Variants in MXRA8 observed in about 807,000 individuals in gnomAD.
MXRA8 encodes matrix remodeling-associated protein 8.
Under a neutral mutation model 51.4 loss-of-function variants are expected in MXRA8, and 44 were observed. That is an observed-to-expected ratio of 0.86 (90% CI 0.67 to 1.10). The LOEUF is 1.10. Ranked by LOEUF, MXRA8 falls within the 50% of genes least tolerant of loss-of-function variation. The probability of loss-of-function intolerance (pLI) is 0.00; values close to 1 mark genes in which losing one functional copy is unlikely to be tolerated. For missense variants in MXRA8, 765 were observed against 638.9 expected (o/e 1.20, Z -2.13); for synonymous variants, 369 against 293.5 (o/e 1.26, Z -2.63).
chr1:1,361,643 A>G, upstream of MXRA8: 1 of 339,460 alleles, frequency 2.9e-6, no homozygotes, highest in Non-Finnish European at 5.7e-6. Flanking sequence ...GTTAGGCTCG[A>G]GGACAAACCG....
rs1335254860 is a variant in MXRA8 at position 1,354,099 on chromosome 1, C to T, written c.1153G>A (p.Val385Ile). Residue 385 changes from valine (V) to isoleucine (I), a missense_variant, in exon 8 of 10, where the codon GTT becomes ATT. Transcript: ENST00000309212. ...GCCACAGCGAACTCCGCCAAGTTAA[C>T]ATCCTTCCTGGATGGCGAGGGTGGG... ...QKSGKSKGKD[V>I]NLAEFAVAAG... 6.2e-7 allele frequency: 1 copy of T among 1,612,968 alleles called. No homozygotes were observed. The highest frequency in any genetic ancestry group is 2.2e-5 in the East Asian group (1 of 44,882).
At chr1:1,359,697 C>A (rs564626376), upstream of MXRA8, among the ~76,000 whole-genome samples, 1 of 151,280 alleles carries the variant, frequency 6.6e-6, no homozygotes. Flanking sequence ...GGACACGGAC[C>A]GGCGTAAGGA....
Position 1,353,838 on chromosome 1 carries a change from C to A in MXRA8, c.1303+10G>T. ...CTCTGAGATGGGCTGAGGTCGCCCC[C>A]GCCGCTCACCTTTGTCTAGGTCGAT... On this transcript the variant is annotated intron_variant, in intron 9 of 9. Transcript: ENST00000309212. 1 of 1,569,514 alleles carries A rather than the reference C, an allele frequency of 6.4e-7. No homozygotes were observed. The highest frequency in any genetic ancestry group is 8.6e-7 in the Non-Finnish European group (1 of 1,156,686).
At chr1:1,359,797 G>A (rs1644197368), upstream of MXRA8, among the ~76,000 whole-genome samples, 1 of 152,202 alleles carries the variant, frequency 6.6e-6, no homozygotes, top group Admixed American at 6.5e-5. Context: ...CTGGCTTCAG[G>A]GCTGAACACA....
upstream of MXRA8, chr1:1,359,590 A>C (rs1644194300): frequency 2.0e-6 from 2 of 985,002 alleles, no homozygotes; most frequent in Non-Finnish European, 2.4e-6. Flanking sequence ...TCTGGTGCCC[A>C]AGTCCTCAGA....
At chr1:1,354,566 C>G (rs1176660619) in intron 5 of MXRA8, 57 bp from the exon 6 acceptor site, 1 of 1,578,536 alleles carries the variant, frequency 6.3e-7, no homozygotes, top group African/African-American at 1.4e-5. Flanking sequence ...TGCGCCCCGA[C>G]CCGGGCCACG....
chr1:1,355,047 T>C lies in MXRA8; in HGVS notation c.584A>G (p.Asp195Gly). The C allele has an allele frequency of 6.2e-7, 1 of 1,607,906 alleles. No homozygotes were observed. The highest frequency in any genetic ancestry group is 8.5e-7 in the Non-Finnish European group (1 of 1,178,328). The change falls in exon 5 of 10, where the codon GAC becomes GGC. Residue 195 changes from aspartate (D) to glycine (G), a missense_variant. Physicochemically the swap from Asp to Gly is moderately conservative, Grantham distance 94 (BLOSUM62 -1). Transcript: ENST00000309212. ...CTGTTGAGCCTCCTCCACGTGCCGG[T>C]CGGTCCACACGTGCCCGCGGTTCAC... The part of the protein sequence containing the change: ...TCVNRGHVWT[D>G]RHVEEAQQVV...
Position 1,354,178 on chromosome 1 carries a change from G to A in MXRA8, c.1145+15C>T. ...GGGCCCTGGTCCCCAGGAGGGCCGGGAGGGGGGCACTCACCCCTTTGACTT... is the reference window on the plus strand; with the variant it reads ...GGGCCCTGGTCCCCAGGAGGGCCGGAAGGGGGGCACTCACCCCTTTGACTT... On this transcript the variant is annotated intron_variant, in intron 7 of 9. Transcript: ENST00000309212. 6.2e-7 allele frequency: 1 copy of A among 1,612,744 alleles called. No homozygotes were observed. The highest frequency in any genetic ancestry group is 1.3e-5 in the African/African-American group (1 of 75,070).
chr1:1,359,336 G>A (rs1644190996), upstream of MXRA8: 2 of 985,318 alleles, frequency 2.0e-6, no homozygotes, highest in Non-Finnish European at 2.4e-6. Flanking sequence ...CCCCTGCCAT[G>A]GAAGGCACAA....
In MXRA8 at chr1:1,355,231, G is replaced by C. The variant is rs762611101; in HGVS notation, c.478+13C>G. On this transcript the variant is annotated intron_variant, in intron 4 of 9. Coordinates refer to ENST00000309212, the MANE Select transcript of MXRA8 (RefSeq NM_032348.4). ...GAGGGGCGGGAGCTGGGGGGCGGGG[G>C]GGAAGCACTCACGGCCGTCGGTGAC... is the stretch of plus-strand genomic sequence containing the variant. The C allele has an allele frequency of 1.4e-5, 21 of 1,542,914 alleles. No individual in the cohort carries two copies. The highest frequency in any genetic ancestry group is 2.4e-5 in the South Asian group (2 of 83,876).
intron 1 of MXRA8, 110 bp from the exon 2 acceptor site, chr1:1,356,814 C>G: frequency 1.0e-6 from 1 of 980,222 alleles, no homozygotes; most frequent in South Asian, 3.6e-5. Context: ...GATGCTGTGA[C>G]ACCCACTTCA....
chr1:1,357,975 T>G (rs1419457474), intron 1 of MXRA8, among the ~76,000 whole-genome samples: 1 of 152,126 alleles, frequency 6.6e-6, no homozygotes, highest in Non-Finnish European at 1.5e-5. Flanking sequence ...TCTAGATCAC[T>G]GGGGGCTGCT....
upstream of MXRA8, among the ~76,000 whole-genome samples, chr1:1,363,276 C>T (rs538675244): frequency 9.9e-5 from 15 of 152,114 alleles, no homozygotes; most frequent in South Asian, 2.1e-3. Context: ...GAGTGAGACT[C>T]GGTCTCAAAA....
At chr1:1,357,450 C>T (rs1348831676) in intron 1 of MXRA8, among the ~76,000 whole-genome samples, 6 of 152,102 alleles carry the variant, frequency 3.9e-5, no homozygotes, top group Non-Finnish European at 5.9e-5. Flanking sequence ...AGCTGCACCA[C>T]GGAGTCCCCC....
chr1:1,356,973 C>T (rs1158933602), intron 1 of MXRA8, among the ~76,000 whole-genome samples: 1 of 152,126 alleles, frequency 6.6e-6, no homozygotes, highest in Non-Finnish European at 1.5e-5. Flanking sequence ...GGGGTGTGTG[C>T]TTGTCACCGG....
chr1:1,361,006 G>A (rs574142569), upstream of MXRA8, among the ~76,000 whole-genome samples: 5 of 149,100 alleles, frequency 3.4e-5, no homozygotes, highest in South Asian at 2.1e-4. Flanking sequence ...GCACACACGC[G>A]AAGACACAGA....
Position 1,355,764 on chromosome 1 carries a change from G to A in MXRA8, c.74-12C>T, listed in dbSNP as rs1213739764. ...GGGTACCGAGGACCCTGGTGGGGGA[G>A]GGGAGTCGGTGGGGGAAGGGGTGGG... On this transcript the variant is annotated splice_polypyrimidine_tract_variant and intron_variant, in intron 2 of 9. Transcript: ENST00000309212. 1 of 1,263,202 alleles carries A rather than the reference G, an allele frequency of 7.9e-7. No individual in the cohort carries two copies. Among genetic ancestry groups the A allele is most frequent in the Non-Finnish European group, 9.9e-7 (1 of 1,005,178 alleles). 78.2% of individuals were successfully genotyped at this position (1,263,202 alleles called of 1,614,324 possible). A position where few individuals can be genotyped will look rare whatever the true frequency, so the allele number is the denominator to read the frequency against.
rs1644055837 is a variant in MXRA8, at chr1:1,353,852, G to GTC, written c.1297_1298dup (p.Asp433GlufsTer96). 6.3e-7 allele frequency: 1 copy of GTC among 1,596,190 alleles called. No individual in the cohort carries two copies. ...GAGGTCGCCCCCGCCGCTCACCTTT[G>GTC]TCTAGGTCGATGTACTTGGCAGGCA... On this transcript the variant is annotated frameshift_variant, in exon 9 of 10. Coordinates refer to ENST00000309212, the MANE Select transcript of MXRA8 (RefSeq NM_032348.4). LOFTEE classifies it high-confidence loss of function.
chr1:1,353,623 C>T lies in MXRA8; in HGVS notation c.1310G>A (p.Arg437Gln), dbSNP rs760218528. Residue 437 changes from arginine (R) to glutamine (Q), a missense_variant, in exon 10 of 10, where the codon CGG (arginine) becomes CAG (glutamine). Physicochemically the swap from Arg to Gln is conservative, Grantham distance 43 (BLOSUM62 1). Coordinates refer to ENST00000309212, the MANE Select transcript of MXRA8 (RefSeq NM_032348.4). ...AKYIDLDKGF[R>Q]KENCK Reference sequence around the variant, plus strand: ...GCCTCCCTATTTGCAGTTCTCCTTCCGGAACCCTGGAAGCCAAGGGCGCCA... The same window carrying T: ...GCCTCCCTATTTGCAGTTCTCCTTCTGGAACCCTGGAAGCCAAGGGCGCCA... The T allele has an allele frequency of 2.2e-5, 34 of 1,563,572 alleles. No homozygotes were observed. The highest frequency in any genetic ancestry group is 4.0e-5 in the African/African-American group (3 of 74,186).
Sources: gnomAD v4.1 joint callset for allele counts (sites outside exome capture counted in the v4.1 genomes callset) on GRCh38, gnomAD v4.1.1 for gene constraint, MANE v1.5 for transcripts, NCBI Gene and HGNC (gene_info 2026-07-23, HGNC 2026-07-21) for gene names.